Variants in CCSER1 observed in about 807,000 individuals in gnomAD.
The protein encoded by CCSER1 is coiled-coil serine rich protein 1, also known as serine-rich coiled-coil domain-containing protein 1.
A neutral mutation model predicts 82.0 loss-of-function variants in CCSER1; 41 were observed. The ratio of observed to expected loss-of-function variants is 0.50; its 90% CI spans 0.39 to 0.65. The LOEUF (loss-of-function observed/expected upper bound fraction) is 0.65. Among genes scored for constraint, CCSER1 ranks in the 30% least tolerant of loss-of-function variants. CCSER1 has a pLI of 0.00. For synonymous variants in CCSER1, 414 were observed against 383.9 expected (o/e 1.08, Z -0.92); for missense variants, 1,119 against 1,064.2 (o/e 1.05, Z -0.72).
intron 10 of CCSER1, among the ~76,000 whole-genome samples, chr4:91,207,981 G>A (rs1736484274): frequency 6.6e-6 from 1 of 151,964 alleles, no homozygotes; most frequent in African/African-American, 2.4e-5. Context: ...AATGATCAGT[G>A]ATGTTGTTTG....
rs1738614884 is a variant in CCSER1 at position 90,328,382 on chromosome 4, A to G, written c.1509+15335A>G. Among the ~76,000 whole-genome samples, 5 of 151,888 alleles carry G rather than the reference A, an allele frequency of 3.3e-5. No homozygotes were observed. The South Asian group carries it at 8.3e-4, about 25-fold the overall frequency. On this transcript the variant is annotated intron_variant, in intron 3 of 10. Transcript: ENST00000509176. Reference sequence around the variant, plus strand: ...TTGCTATTGTAATTTTTGTTTTTATACAACTATATTTCAGCCTGCTTTTAA... The same window carrying G: ...TTGCTATTGTAATTTTTGTTTTTATGCAACTATATTTCAGCCTGCTTTTAA...
At chr4:91,217,159 G>A (rs1037933723) in intron 10 of CCSER1, among the ~76,000 whole-genome samples, 14 of 152,126 alleles carry the variant, frequency 9.2e-5, no homozygotes, top group Non-Finnish European at 1.8e-4. Flanking sequence ...GCTCTTAAAA[G>A]CAGCGTGGAC....
At chr4:90,913,869 A>T (rs551465847) in intron 8 of CCSER1, among the ~76,000 whole-genome samples, 2 of 152,308 alleles carry the variant, frequency 1.3e-5, no homozygotes, top group South Asian at 4.1e-4. Flanking sequence ...ACAGCCTTTA[A>T]ACCAACAAAA....
At chr4:90,660,626 G>A (rs1290595463) in intron 6 of CCSER1, among the ~76,000 whole-genome samples, 1 of 151,464 alleles carries the variant, frequency 6.6e-6, no homozygotes, top group Non-Finnish European at 1.5e-5. Context: ...GAAAATAAGG[G>A]CAACATTATT....
chr4:90,790,414 A>T (rs1420952260), intron 7 of CCSER1, among the ~76,000 whole-genome samples: 1 of 152,194 alleles, frequency 6.6e-6, no homozygotes, highest in Non-Finnish European at 1.5e-5. Flanking sequence ...ATACCTCTCC[A>T]CATAAGTATA....
At chr4:91,425,556 A>G (rs1753919000) in intron 10 of CCSER1, among the ~76,000 whole-genome samples, 1 of 152,192 alleles carries the variant, frequency 6.6e-6, no homozygotes, top group Non-Finnish European at 1.5e-5. Flanking sequence ...ACCATAATTG[A>G]CAAGTAATTG....
chr4:91,194,735 C>T (rs368903481), intron 10 of CCSER1, among the ~76,000 whole-genome samples: 1 of 152,104 alleles, frequency 6.6e-6, no homozygotes, highest in East Asian at 1.9e-4. Flanking sequence ...AAATGGACTA[C>T]AGTTTCATGG....
chr4:90,624,793 CTTAAA>C (rs1220200423), intron 5 of CCSER1, among the ~76,000 whole-genome samples: 8 of 152,116 alleles, frequency 5.3e-5, no homozygotes, highest in African/African-American at 1.9e-4. Context: ...GTTACTAAAT[CTTAAA>C]TTATAAAAAC....
chr4:91,508,360 T>C (rs1406356742), intron 10 of CCSER1, among the ~76,000 whole-genome samples: 13 of 151,836 alleles, frequency 8.6e-5, no homozygotes, highest in African/African-American at 2.9e-4. Context: ...ATTGAGATGA[T>C]CATGTGGTTT....
At chr4:90,909,411 A>G (rs1319879593) in intron 8 of CCSER1, among the ~76,000 whole-genome samples, 8 of 152,176 alleles carry the variant, frequency 5.3e-5, no homozygotes, top group Non-Finnish European at 1.2e-4. Flanking sequence ...CACCCAGCAC[A>G]CATCTATACT....
rs11941628 is a variant in CCSER1, at chr4:91,120,871, T to C, written c.2217+34877T>C. Among the ~76,000 whole-genome samples, 656 of 151,624 alleles carry C rather than the reference T, an allele frequency of 4.3e-3. 6 individuals carry two copies. The highest frequency in any genetic ancestry group is 0.015 in the African/African-American group (616 of 41,390). ...AAATAAAACCAGGAAAATCAGGGGA[T>C]GTGTTTCAAGAAAGAGGGGATGACA... On this transcript the variant is annotated intron_variant, in intron 10 of 10. Coordinates refer to ENST00000509176, the MANE Select transcript of CCSER1 (RefSeq NM_001145065.2).
intron 4 of CCSER1, among the ~76,000 whole-genome samples, chr4:90,407,958 G>A (rs1753995771): frequency 6.6e-6 from 1 of 152,146 alleles, no homozygotes; most frequent in Admixed American, 6.5e-5. Flanking sequence ...TTTCCAACGG[G>A]CCTAACAAAC....
intron 1 of CCSER1, among the ~76,000 whole-genome samples, chr4:90,288,026 C>A (rs979020601): frequency 1.3e-5 from 2 of 151,650 alleles, no homozygotes; most frequent in Admixed American, 6.6e-5. Context: ...TATCAATAAA[C>A]AATTATTACT....
chr4:91,150,745 T>C (rs1302969153), intron 10 of CCSER1, among the ~76,000 whole-genome samples: 2 of 152,246 alleles, frequency 1.3e-5, no homozygotes, highest in Non-Finnish European at 2.9e-5. Context: ...TTTTTGTCTT[T>C]GGTTCTGTTT....
intron 7 of CCSER1, among the ~76,000 whole-genome samples, chr4:90,804,604 T>G (rs1757265064): frequency 6.6e-6 from 1 of 152,224 alleles, no homozygotes; most frequent in African/African-American, 2.4e-5. Context: ...CCATGCTGTT[T>G]TGGTTACTGT....
chr4:91,324,988 GA>G (rs1746449957), intron 10 of CCSER1: 1 of 341,664 alleles, frequency 2.9e-6, no homozygotes, highest in Non-Finnish European at 5.7e-6. Flanking sequence ...ATTGGATCAT[GA>G]AGGCAGATTT....
intron 1 of CCSER1, among the ~76,000 whole-genome samples, chr4:90,151,989 GTAA>G (rs879445590): frequency 2.0e-5 from 3 of 152,156 alleles, no homozygotes; most frequent in Non-Finnish European, 4.4e-5. Flanking sequence ...GCTCTATTAA[GTAA>G]AGGAATCACC....
chr4:91,181,356 A>G (rs1734017243), intron 10 of CCSER1, among the ~76,000 whole-genome samples: 1 of 152,228 alleles, frequency 6.6e-6, no homozygotes, highest in Admixed American at 6.5e-5. Context: ...AGGTGTTTTT[A>G]TCTATTTTAA....
At chr4:91,219,044 C>T (rs944265062) in intron 10 of CCSER1, among the ~76,000 whole-genome samples, 26 of 152,058 alleles carry the variant, frequency 1.7e-4, no homozygotes, top group African/African-American at 6.3e-4. Flanking sequence ...TAATCTCCTC[C>T]CCACACATAG....
Sources: allele counts gnomAD v4.1 joint callset (sites outside exome capture counted in the v4.1 genomes callset), GRCh38; gene constraint gnomAD v4.1.1; transcripts MANE v1.5; gene names NCBI Gene and HGNC (gene_info 2026-07-23, HGNC 2026-07-21).